MBOAT2: variants seen among roughly 807,000 people sequenced by gnomAD.
The protein encoded by MBOAT2 is membrane-bound glycerophospholipid O-acyltransferase 2.
Under a neutral mutation model 63.4 loss-of-function variants are expected in MBOAT2, and 28 were observed. That is an observed-to-expected ratio of 0.44 (90% CI 0.33 to 0.61). The LOEUF (loss-of-function observed/expected upper bound fraction) is 0.61, where lower values mean the gene tolerates loss of function less well. Ranked by LOEUF, MBOAT2 falls within the 20% of genes least tolerant of loss-of-function variation. The pLI is 0.03. For synonymous variants in MBOAT2, 211 were observed against 215.6 expected (o/e 0.98, Z 0.19); for missense variants, 470 against 605.8 (o/e 0.78, Z 2.35).
rs892670046 is a variant in MBOAT2 at position 8,860,858 on chromosome 2, G to A, written c.1186-94C>T. Reference sequence around the variant, plus strand: ...ATATCAACTGTTGGAAGGATGTGGAGTAGAGTAACTGAAACTCTCCTAAGT... The same window carrying A: ...ATATCAACTGTTGGAAGGATGTGGAATAGAGTAACTGAAACTCTCCTAAGT... On this transcript the variant is annotated intron_variant, in intron 11 of 12. Transcript: ENST00000305997. The A allele has an allele frequency of 3.0e-5, 30 of 1,001,698 alleles. No individual in the cohort carries two copies. In the South Asian group the frequency reaches 4.9e-4, roughly 16 times the overall value. 62.1% of individuals were successfully genotyped at this position (1,001,698 alleles called of 1,614,324 possible).
At chr2:8,939,488 G>A (rs530487465) in intron 3 of MBOAT2, among the ~76,000 whole-genome samples, 1 of 152,324 alleles carries the variant, frequency 6.6e-6, no homozygotes, top group East Asian at 1.9e-4. Context: ...AGGGATGAAG[G>A]GAGGTTCTAG....
chr2:8,991,639 T>G (rs913532288), intron 1 of MBOAT2, among the ~76,000 whole-genome samples: 1 of 152,214 alleles, frequency 6.6e-6, no homozygotes, highest in African/African-American at 2.4e-5. Context: ...AACACAAGTG[T>G]ACTTCAGATT....
intron 1 of MBOAT2, among the ~76,000 whole-genome samples, chr2:8,970,253 C>T (rs1479945423): frequency 6.6e-6 from 1 of 152,164 alleles, no homozygotes; most frequent in Non-Finnish European, 1.5e-5. Flanking sequence ...AACTGAACAA[C>T]CTGCTCCTGA....
At chr2:8,949,099 AT>A (rs1387899468) in intron 2 of MBOAT2, among the ~76,000 whole-genome samples, 2 of 151,966 alleles carry the variant, frequency 1.3e-5, no homozygotes, top group African/African-American at 2.4e-5. Flanking sequence ...ATGTGCAGTA[AT>A]TTTTTCATGT....
At chr2:8,906,545 G>T (rs1417666554) in intron 4 of MBOAT2, among the ~76,000 whole-genome samples, 1 of 152,190 alleles carries the variant, frequency 6.6e-6, no homozygotes, top group African/African-American at 2.4e-5. Context: ...TCAATGAACT[G>T]TAATGTGAAT....
intron 2 of MBOAT2, among the ~76,000 whole-genome samples, chr2:8,947,685 C>CTGCT (rs1189127341): frequency 2.0e-5 from 3 of 152,198 alleles, no homozygotes; most frequent in Non-Finnish European, 4.4e-5. Context: ...AGCAGCTCTG[C>CTGCT]AGCATTGTTT....
intron 4 of MBOAT2, among the ~76,000 whole-genome samples, chr2:8,896,348 AAAC>A: frequency 6.6e-6 from 1 of 151,986 alleles, no homozygotes; most frequent in Non-Finnish European, 1.5e-5. Flanking sequence ...GTTAGTGTAA[AAAC>A]AACACTCTTC....
intron 5 of MBOAT2, among the ~76,000 whole-genome samples, chr2:8,883,348 T>C (rs995886591): frequency 1.3e-5 from 2 of 152,176 alleles, no homozygotes; most frequent in African/African-American, 4.8e-5. Context: ...CGATTAATAA[T>C]GTTTTCATTA....
chr2:8,889,442 A>G (rs1475844072), intron 4 of MBOAT2, among the ~76,000 whole-genome samples: 1 of 152,250 alleles, frequency 6.6e-6, no homozygotes, highest in African/African-American at 2.4e-5. Flanking sequence ...GATTTCTCTT[A>G]GGTTCCCTTA....
intron 2 of MBOAT2, among the ~76,000 whole-genome samples, chr2:8,948,731 C>A (rs1259430922): frequency 4.6e-5 from 7 of 152,182 alleles, no homozygotes; most frequent in Admixed American, 3.3e-4. Flanking sequence ...TTTTCTTCAT[C>A]CAGTCCAGCA....
chr2:8,963,700 AAGT>A (rs1669789438), intron 1 of MBOAT2, among the ~76,000 whole-genome samples: 1 of 152,256 alleles, frequency 6.6e-6, no homozygotes, highest in Admixed American at 6.5e-5. Context: ...AAATACTAGT[AAGT>A]GAAAGTTACG....
At chr2:8,878,194 A>C (rs1662838790) in intron 6 of MBOAT2, among the ~76,000 whole-genome samples, 1 of 151,984 alleles carries the variant, frequency 6.6e-6, no homozygotes, top group Admixed American at 6.5e-5. Context: ...AGTCAATTCC[A>C]CTCCTTAGAG....
chr2:8,904,812 G>A (rs1468964180), intron 4 of MBOAT2, among the ~76,000 whole-genome samples: 1 of 152,070 alleles, frequency 6.6e-6, no homozygotes, highest in Non-Finnish European at 1.5e-5. Context: ...CTGCTGACAT[G>A]AAGAAAGCTA....
chr2:8,862,237 C>T lies in MBOAT2; in HGVS notation c.1185+353G>A. 2.5e-6 allele frequency: 3 copies of T among 1,224,298 alleles called. No individual in the cohort carries two copies. Among genetic ancestry groups the T allele is most frequent in the Non-Finnish European group, 3.2e-6 (3 of 944,078 alleles). 75.8% of individuals were successfully genotyped at this position (1,224,298 alleles called of 1,614,324 possible). ...CATCTGAGAGAGGACTCAAAGGTTA[C>T]AGCTTTCAGGAAACATTTCTAAAAT... On this transcript the variant is annotated intron_variant, in intron 11 of 12. Coordinates refer to ENST00000305997, the MANE Select transcript of MBOAT2 (RefSeq NM_138799.4). The surrounding 1 kb of genome is among the most constrained non-coding windows in gnomAD (Gnocchi z 4.3).
intron 1 of MBOAT2, among the ~76,000 whole-genome samples, chr2:9,002,227 G>A (rs940533180): frequency 2.0e-5 from 3 of 152,226 alleles, no homozygotes; most frequent in African/African-American, 7.2e-5. Flanking sequence ...GTTCAAGACA[G>A]GTGGGGGATA....
At chr2:8,914,100 T>C (rs547813218) in intron 3 of MBOAT2, among the ~76,000 whole-genome samples, 13 of 152,106 alleles carry the variant, frequency 8.5e-5, no homozygotes, top group African/African-American at 3.1e-4. Context: ...TATGTTCTGA[T>C]ATGTGGGAGC....
At chr2:8,913,896 A>G (rs1223627855) in intron 3 of MBOAT2, among the ~76,000 whole-genome samples, 1 of 152,242 alleles carries the variant, frequency 6.6e-6, no homozygotes, top group Non-Finnish European at 1.5e-5. Context: ...AGCACAATTC[A>G]CGATTGCAAA....
At chr2:8,888,682 A>G (rs891341599) in intron 4 of MBOAT2, among the ~76,000 whole-genome samples, 8 of 152,164 alleles carry the variant, frequency 5.3e-5, no homozygotes, top group Non-Finnish European at 1.2e-4. Flanking sequence ...TAAGAAAACC[A>G]CCAGGATGCA....
intron 4 of MBOAT2, among the ~76,000 whole-genome samples, chr2:8,897,018 G>C (rs1035046537): frequency 3.3e-5 from 5 of 152,208 alleles, no homozygotes; most frequent in African/African-American, 9.7e-5. Flanking sequence ...AGGTGGTATT[G>C]GAGTGTTACA....
Sources: gnomAD v4.1 joint callset for allele counts (sites outside exome capture counted in the v4.1 genomes callset) on GRCh38, gnomAD v4.1.1 for gene constraint, Gnocchi (gnomAD v3.1) non-coding constraint, MANE v1.5 for transcripts, NCBI Gene and HGNC (gene_info 2026-07-23, HGNC 2026-07-21) for gene names.